The following RARB variants were observed in gnomAD, a reference collection of about 807,000 sequenced individuals.
RARB encodes retinoic acid receptor beta.
In RARB, 17 loss-of-function variants were observed where a neutral mutation model predicts 51.9. The observed-to-expected ratio is 0.33, with a 90% CI of 0.22 to 0.49. RARB has a LOEUF of 0.49. RARB is among the 20% of genes least tolerant of loss of function. The pLI is 0.99. For synonymous variants in RARB, 215 were observed against 195.4 expected (o/e 1.10, Z -0.84); for missense variants, 369 against 550.8 (o/e 0.67, Z 3.30).
At chr3:24,862,780 A>G (rs1279686787) in intron 2 of RARB, among the ~76,000 whole-genome samples, 3 of 152,226 alleles carry the variant, frequency 2.0e-5, no homozygotes, top group Admixed American at 2.0e-4. Flanking sequence ...TCATCTTTAT[A>G]TTATACTGTA....
chr3:24,994,256 A>T (rs963757990), intron 2 of RARB, among the ~76,000 whole-genome samples: 1 of 152,068 alleles, frequency 6.6e-6, no homozygotes, highest in East Asian at 1.9e-4. Context: ...TTGATAATTC[A>T]TGATGTTGGT....
intron 2 of RARB, among the ~76,000 whole-genome samples, chr3:25,047,496 A>C (rs551840520): frequency 6.6e-6 from 1 of 152,310 alleles, no homozygotes; most frequent in East Asian, 1.9e-4. Context: ...CAGACTCTAC[A>C]TCTACTATAT....
chr3:24,985,859 G>T (rs1225697759), intron 2 of RARB, among the ~76,000 whole-genome samples: 1 of 152,224 alleles, frequency 6.6e-6, no homozygotes, highest in Admixed American at 6.5e-5. Context: ...CTCCACGCAT[G>T]TCAGTATCCT....
chr3:25,237,596 T>C (rs1012203073), intron 5 of RARB, among the ~76,000 whole-genome samples: 4 of 152,176 alleles, frequency 2.6e-5, no homozygotes, highest in African/African-American at 9.6e-5. Flanking sequence ...GATTTAGTTA[T>C]ATATTATAAA....
At chr3:25,177,567 C>T (rs1700780873) in intron 5 of RARB, among the ~76,000 whole-genome samples, 1 of 152,210 alleles carries the variant, frequency 6.6e-6, no homozygotes, top group African/African-American at 2.4e-5. Flanking sequence ...TAGTGAGGGT[C>T]TGTCAGCACC....
At chr3:25,506,271 A>C (rs947819651) in intron 3 of RARB, among the ~76,000 whole-genome samples, 2 of 151,382 alleles carry the variant, frequency 1.3e-5, no homozygotes, top group Non-Finnish European at 2.9e-5. Flanking sequence ...AAAAAAAAAA[A>C]AAAAACCAGC....
At chr3:24,999,951 C>CA (rs937488162) in intron 2 of RARB, among the ~76,000 whole-genome samples, 8 of 151,072 alleles carry the variant, frequency 5.3e-5, no homozygotes, top group African/African-American at 1.7e-4. Context: ...CACATTAATG[C>CA]AAAAAAATAT....
intron 3 of RARB, among the ~76,000 whole-genome samples, chr3:25,559,639 A>G (rs775291330): frequency 6.6e-6 from 1 of 152,246 alleles, no homozygotes; most frequent in Non-Finnish European, 1.5e-5. Flanking sequence ...AGAAGAAATA[A>G]ATAGATGGAT....
chr3:25,297,049 G>A (rs1242165414), intron 5 of RARB, among the ~76,000 whole-genome samples: 1 of 152,100 alleles, frequency 6.6e-6, no homozygotes, highest in Non-Finnish European at 1.5e-5. Context: ...TTCTACAATG[G>A]CTAAAGACCG....
upstream of RARB, among the ~76,000 whole-genome samples, chr3:25,427,032 T>C (rs915252411): frequency 3.9e-5 from 6 of 152,242 alleles, no homozygotes; most frequent in Non-Finnish European, 8.8e-5. Context: ...AAAACTGTCA[T>C]ACTTAAACCA....
At chr3:24,853,310 C>G (rs1402416377) in intron 1 of RARB, among the ~76,000 whole-genome samples, 1 of 151,960 alleles carries the variant, frequency 6.6e-6, no homozygotes, top group Admixed American at 6.6e-5. Context: ...GAGTGAGACT[C>G]TATCTTAAAA....
intron 5 of RARB, among the ~76,000 whole-genome samples, chr3:25,209,857 C>T (rs1436096996): frequency 6.6e-6 from 1 of 152,188 alleles, no homozygotes; most frequent in Non-Finnish European, 1.5e-5. Flanking sequence ...CCTGTCTGTC[C>T]TGTGATGTGA....
At chr3:25,116,443 G>A (rs906004934) in intron 3 of RARB, among the ~76,000 whole-genome samples, 13 of 151,582 alleles carry the variant, frequency 8.6e-5, no homozygotes, top group African/African-American at 2.9e-4. Flanking sequence ...AAAAAAACGA[G>A]TCGAGAATAT....
chr3:25,328,734 AC>A (rs1247022409), intron 5 of RARB, among the ~76,000 whole-genome samples: 1 of 152,160 alleles, frequency 6.6e-6, no homozygotes, highest in Non-Finnish European at 1.5e-5. Context: ...GCATCACTGC[AC>A]CCGGGAAGCA....
chr3:24,899,154 G>A (rs1346937495), intron 2 of RARB, among the ~76,000 whole-genome samples: 1 of 152,258 alleles, frequency 6.6e-6, no homozygotes. Flanking sequence ...AAAATGTATA[G>A]GTCTTTCTTC....
At chr3:25,374,678 CAAG>C (rs1367371566) in intron 5 of RARB, among the ~76,000 whole-genome samples, 12 of 152,020 alleles carry the variant, frequency 7.9e-5, no homozygotes, top group African/African-American at 2.9e-4. Context: ...CCTCCTGGGA[CAAG>C]AAGAAGAATG....
At chr3:25,071,936 T>G (rs1200441865) in intron 3 of RARB, among the ~76,000 whole-genome samples, 1 of 152,230 alleles carries the variant, frequency 6.6e-6, no homozygotes, top group African/African-American at 2.4e-5. Context: ...TAAATGCTTT[T>G]GGGACCTATT....
chr3:25,135,736 G>A lies in RARB; in HGVS notation c.-280+3528G>A, dbSNP rs1700022927. Reference sequence around the variant, plus strand: ...AAGTCATATTTTTTAGACAGGCAGTGTATGAAACACAAATAAAAATGAAGT... The same window carrying A: ...AAGTCATATTTTTTAGACAGGCAGTATATGAAACACAAATAAAAATGAAGT... On this transcript the variant is annotated intron_variant, in intron 4 of 11. Transcript: ENST00000383772. 2.0e-5 allele frequency among the ~76,000 whole-genome samples: 3 copies of A among 152,040 alleles called. No homozygotes were observed. The South Asian group carries it at 6.2e-4, about 31-fold the overall frequency.
chr3:24,995,248 T>C (rs1203547792), intron 2 of RARB, among the ~76,000 whole-genome samples: 1 of 152,036 alleles, frequency 6.6e-6, no homozygotes, highest in African/African-American at 2.4e-5. Flanking sequence ...TTTATAGCTT[T>C]TGTAAATGGG....
Sources: allele counts gnomAD v4.1 joint callset (sites outside exome capture counted in the v4.1 genomes callset), GRCh38; gene constraint gnomAD v4.1.1; transcripts MANE v1.5; gene names NCBI Gene and HGNC (gene_info 2026-07-23, HGNC 2026-07-21).